The following NEGR1 variants were observed in gnomAD, a reference collection of about 807,000 sequenced individuals.
NEGR1 encodes neuronal growth regulator 1, also known as IgLON family member 4.
NEGR1 carries 10 observed loss-of-function variants against 40.9 expected under a neutral mutation model. That is an observed-to-expected ratio of 0.24 (90% confidence interval 0.15 to 0.42). The LOEUF is 0.42. Ranked by LOEUF, NEGR1 falls within the 10% of genes least tolerant of loss-of-function variation. The pLI is 1.00. For missense variants in NEGR1, 352 were observed against 438.9 expected (o/e 0.80, Z 1.77); for synonymous variants, 185 against 166.8 (o/e 1.11, Z -0.84).
intron 1 of NEGR1, among the ~76,000 whole-genome samples, chr1:72,151,447 A>T (rs975005381): frequency 1.3e-5 from 2 of 151,780 alleles, no homozygotes; most frequent in African/African-American, 4.8e-5. Flanking sequence ...CAGATAAACA[A>T]GAAATGATAA....
chr1:72,137,059 C>T (rs952294030), intron 1 of NEGR1, among the ~76,000 whole-genome samples: 1 of 152,092 alleles, frequency 6.6e-6, no homozygotes, highest in African/African-American at 2.4e-5. Context: ...CCATCTCACA[C>T]CAATTAGAAT....
intron 1 of NEGR1, among the ~76,000 whole-genome samples, chr1:72,074,942 G>A (rs1188964409): frequency 1.3e-5 from 2 of 151,966 alleles, no homozygotes; most frequent in Non-Finnish European, 2.9e-5. Flanking sequence ...TCAGCATCTG[G>A]TTCACATAGT....
chr1:71,685,562 T>C (rs1653004440), intron 4 of NEGR1, among the ~76,000 whole-genome samples: 1 of 152,156 alleles, frequency 6.6e-6, no homozygotes, highest in Non-Finnish European at 1.5e-5. Flanking sequence ...CTTTGTTCTC[T>C]GTCCGCATTG....
chr1:71,869,605 T>G (rs1227276179), intron 2 of NEGR1, among the ~76,000 whole-genome samples: 1 of 152,118 alleles, frequency 6.6e-6, no homozygotes, highest in Non-Finnish European at 1.5e-5. Context: ...AATAGCATAT[T>G]ATGGAAAAAG....
intron 6 of NEGR1, among the ~76,000 whole-genome samples, chr1:71,435,922 A>G (rs543314918): frequency 6.6e-6 from 1 of 152,294 alleles, no homozygotes; most frequent in South Asian, 2.1e-4. Flanking sequence ...CCTCCTCAAT[A>G]CATTTCTAAC....
chr1:71,713,627 GC>G lies in NEGR1; in HGVS notation c.536-15489del, dbSNP rs537604220. On this transcript the variant is annotated intron_variant, in intron 3 of 6. Transcript: ENST00000357731. ...ATTTCCTATTGGATATTACTGCAAA[GC>G]TTTTGGACCTTACTTTATTTACAAG... 1.3e-4 allele frequency among the ~76,000 whole-genome samples: 20 copies of G among 152,250 alleles called. No homozygotes were observed. In the East Asian group the frequency reaches 3.9e-3, roughly 29 times the overall value.
At chr1:72,082,133 A>C (rs1294880488) in intron 1 of NEGR1, among the ~76,000 whole-genome samples, 2 of 152,142 alleles carry the variant, frequency 1.3e-5, no homozygotes, top group East Asian at 3.8e-4. Context: ...AACCAAAAGA[A>C]GAATGAGTTT....
intron 2 of NEGR1, among the ~76,000 whole-genome samples, chr1:71,830,905 C>A (rs953963634): frequency 2.0e-5 from 3 of 151,628 alleles, no homozygotes; most frequent in Admixed American, 6.6e-5. Flanking sequence ...ATTATATAAG[C>A]CAAATTTCCT....
intron 1 of NEGR1, among the ~76,000 whole-genome samples, chr1:72,183,655 A>T (rs1384065595): frequency 1.3e-5 from 2 of 152,126 alleles, no homozygotes; most frequent in Non-Finnish European, 2.9e-5. Context: ...GGTGTTGAGG[A>T]TATTACTATA....
At chr1:71,454,943 C>G (rs954504935) in intron 6 of NEGR1, among the ~76,000 whole-genome samples, 2 of 152,190 alleles carry the variant, frequency 1.3e-5, no homozygotes, top group Admixed American at 1.3e-4. Flanking sequence ...CCAGCCCTAA[C>G]CTGGGGGTTG....
At chr1:72,075,402 T>C (rs1440255605) in intron 1 of NEGR1, among the ~76,000 whole-genome samples, 1 of 152,162 alleles carries the variant, frequency 6.6e-6, no homozygotes, top group East Asian at 1.9e-4. Flanking sequence ...CAGCTTAAAA[T>C]TGTCCTTCAA....
rs556704386 is a variant in NEGR1 at position 71,829,679 on chromosome 1, G to A, written c.410-53382C>T. 4.0e-5 allele frequency among the ~76,000 whole-genome samples: 6 copies of A among 151,720 alleles called. 1 individual carries two copies. In the East Asian group the frequency reaches 7.8e-4, roughly 20 times the overall value. On this transcript the variant is annotated intron_variant, in intron 2 of 6. Coordinates refer to ENST00000357731, the MANE Select transcript of NEGR1 (RefSeq NM_173808.3). The stretch of plus-strand genomic sequence containing the variant: ...AACAAAACCCAAAAAACAAAAAAAC[G>A]TAAACAAAACGAAACAGAAACAAAA...
At chr1:71,443,665 C>T (rs545165750) in intron 6 of NEGR1, among the ~76,000 whole-genome samples, 5 of 152,286 alleles carry the variant, frequency 3.3e-5, no homozygotes, top group Admixed American at 3.3e-4. Context: ...TCCTAAAGCT[C>T]ATATTCTAAT....
intron 1 of NEGR1, among the ~76,000 whole-genome samples, chr1:72,247,018 A>G (rs948441732): frequency 2.0e-5 from 3 of 152,234 alleles, no homozygotes; most frequent in Non-Finnish European, 2.9e-5. Context: ...AGCCGTGGAT[A>G]GAATGGGAAT....
At chr1:71,792,529 A>G (rs1044502928) in intron 2 of NEGR1, among the ~76,000 whole-genome samples, 15 of 152,042 alleles carry the variant, frequency 9.9e-5, no homozygotes. Flanking sequence ...CAGAGATAGG[A>G]TGACCACCTG....
intron 1 of NEGR1, among the ~76,000 whole-genome samples, chr1:72,263,651 G>T (rs968997861): frequency 2.6e-5 from 4 of 151,480 alleles, no homozygotes; most frequent in African/African-American, 9.7e-5. Flanking sequence ...AAAACAAAGA[G>T]AATTTTTAGA....
intron 1 of NEGR1, among the ~76,000 whole-genome samples, chr1:72,189,702 A>G (rs189323308): frequency 2.0e-5 from 3 of 151,720 alleles, no homozygotes; most frequent in Admixed American, 6.6e-5. Flanking sequence ...TTAAGAGGTT[A>G]CATTGCTTGA....
intron 2 of NEGR1, among the ~76,000 whole-genome samples, chr1:71,820,673 T>A (rs909028211): frequency 6.6e-6 from 1 of 151,920 alleles, no homozygotes; most frequent in Non-Finnish European, 1.5e-5. Context: ...GAATGACACT[T>A]GGGAGTTGGA....
intron 1 of NEGR1, among the ~76,000 whole-genome samples, chr1:72,188,267 G>A (rs190960383): frequency 5.9e-5 from 9 of 151,448 alleles, no homozygotes; most frequent in Admixed American, 4.6e-4. Flanking sequence ...TTATAAACTT[G>A]TAGAGATCAA....
Sources: allele counts gnomAD v4.1 joint callset (sites outside exome capture counted in the v4.1 genomes callset), GRCh38; gene constraint gnomAD v4.1.1; transcripts MANE v1.5; gene names NCBI Gene and HGNC (gene_info 2026-07-23, HGNC 2026-07-21).